KCNJ3: variants seen among roughly 807,000 people sequenced by gnomAD.
KCNJ3 encodes G protein-activated inward rectifier potassium channel 1.
KCNJ3 carries 4 observed loss-of-function variants against 39.2 expected under a neutral mutation model. The ratio of observed to expected loss-of-function variants is 0.10; its 90% CI spans 0.05 to 0.23. The LOEUF is 0.23. Ranked by LOEUF, KCNJ3 falls within the 10% of genes least tolerant of loss-of-function variation. The pLI, the probability that KCNJ3 is intolerant of heterozygous loss-of-function variation, is 1.00. For synonymous variants in KCNJ3, 230 were observed against 237.4 expected (o/e 0.97, Z 0.29); for missense variants, 276 against 634.9 (o/e 0.43, Z 6.08).
At chr2:154,720,610 G>A (rs1046442834) in intron 2 of KCNJ3, among the ~76,000 whole-genome samples, 5 of 151,832 alleles carry the variant, frequency 3.3e-5, no homozygotes, top group South Asian at 2.1e-4. Context: ...ATGTAGTACC[G>A]ACTCTGTGCT....
In KCNJ3 at chr2:154,855,324, C is replaced by G; in HGVS notation, c.*11C>G. On this transcript the variant is annotated 3_prime_UTR_variant, in exon 3 of 3. Coordinates refer to ENST00000295101, the MANE Select transcript of KCNJ3 (RefSeq NM_002239.4). Reference sequence around the variant, plus strand: ...GATCGCTTCACATAACAAAGCACTCCCTTAGGCATTATTTAATGTTTGATT... The same window carrying G: ...GATCGCTTCACATAACAAAGCACTCGCTTAGGCATTATTTAATGTTTGATT... The G allele has an allele frequency of 6.6e-7, 1 of 1,525,152 alleles. No individual in the cohort carries two copies. The highest frequency in any genetic ancestry group is 8.9e-7 in the Non-Finnish European group (1 of 1,123,154). 94.5% of individuals were successfully genotyped at this position (1,525,152 alleles called of 1,614,324 possible). A position where few individuals can be genotyped will look rare whatever the true frequency, so the allele number is the denominator to read the frequency against.
chr2:154,845,236 A>C (rs1687645555), intron 2 of KCNJ3, among the ~76,000 whole-genome samples: 1 of 152,144 alleles, frequency 6.6e-6, no homozygotes, highest in East Asian at 1.9e-4. Context: ...CTGGTGCCTC[A>C]GCCTCCCAAG....
chr2:154,792,434 T>C (rs1686650525), intron 2 of KCNJ3, among the ~76,000 whole-genome samples: 1 of 152,112 alleles, frequency 6.6e-6, no homozygotes, highest in Non-Finnish European at 1.5e-5. Context: ...ACTGTGCTGA[T>C]TCTTCTGCTT....
intron 2 of KCNJ3, among the ~76,000 whole-genome samples, chr2:154,753,479 A>C (rs1490677982): frequency 6.6e-6 from 1 of 152,170 alleles, no homozygotes; most frequent in East Asian, 1.9e-4. Flanking sequence ...TTTAGCACTG[A>C]AGTATAAATA....
At chr2:154,759,420 A>T (rs1685998881) in intron 2 of KCNJ3, among the ~76,000 whole-genome samples, 1 of 151,730 alleles carries the variant, frequency 6.6e-6, no homozygotes, top group Non-Finnish European at 1.5e-5. Context: ...AATTCAACTT[A>T]ATTTCATTGG....
At chr2:154,782,975 G>A (rs1686464610) in intron 2 of KCNJ3, among the ~76,000 whole-genome samples, 3 of 152,054 alleles carry the variant, frequency 2.0e-5, no homozygotes, top group South Asian at 2.1e-4. Flanking sequence ...GCAGGAGTTC[G>A]AGACCAGCCT....
In KCNJ3 at chr2:154,849,318, T is replaced by TTTTTG. The variant is rs564869541; in HGVS notation, c.920-5387_920-5383dup. On this transcript the variant is annotated intron_variant, in intron 2 of 2. Transcript: ENST00000295101. ...AACTGAAAGGGATTTGCTCTTCTGT[T>TTTTTG]TTTTGTTTTGTTTTGTTTTGTTTTG... is the stretch of plus-strand genomic sequence containing the variant. Among the ~76,000 whole-genome samples the TTTTTG allele has an allele frequency of 3.0e-3, 461 of 152,206 alleles. 4 individuals are homozygous for TTTTTG. The highest frequency in any genetic ancestry group is 0.01 in the African/African-American group (432 of 41,490).
At chr2:154,763,219 G>T (rs1277371069) in intron 2 of KCNJ3, among the ~76,000 whole-genome samples, 2 of 152,086 alleles carry the variant, frequency 1.3e-5, no homozygotes, top group East Asian at 3.9e-4. Context: ...AATTAATCTA[G>T]TCTCTTGTCT....
intron 2 of KCNJ3, among the ~76,000 whole-genome samples, chr2:154,790,222 A>T (rs1422677848): frequency 6.6e-6 from 1 of 152,144 alleles, no homozygotes; most frequent in Non-Finnish European, 1.5e-5. Context: ...CTAGAAAGTT[A>T]TCCAAGGAAT....
At chr2:154,818,090 A>G (rs1196918789) in intron 2 of KCNJ3, among the ~76,000 whole-genome samples, 5 of 152,180 alleles carry the variant, frequency 3.3e-5, no homozygotes, top group Non-Finnish European at 7.4e-5. Context: ...TTTTGGTGGA[A>G]GAAAAGTTAG....
chr2:154,788,827 A>G (rs1187873617), intron 2 of KCNJ3, among the ~76,000 whole-genome samples: 1 of 151,984 alleles, frequency 6.6e-6, no homozygotes, highest in African/African-American at 2.4e-5. Flanking sequence ...ATATATTTGA[A>G]AGGATAATTT....
At chr2:154,847,273 C>T (rs973236354) in intron 2 of KCNJ3, among the ~76,000 whole-genome samples, 1 of 152,050 alleles carries the variant, frequency 6.6e-6, no homozygotes, top group Non-Finnish European at 1.5e-5. Context: ...AAAGTTTATA[C>T]TTTACATTTG....
intron 1 of KCNJ3, among the ~76,000 whole-genome samples, chr2:154,707,217 G>C (rs1685028595): frequency 6.6e-6 from 1 of 152,006 alleles, no homozygotes; most frequent in Non-Finnish European, 1.5e-5. Context: ...AGGAAGACCT[G>C]GATAGGATAT....
chr2:154,847,549 T>C (rs1687681623), intron 2 of KCNJ3, among the ~76,000 whole-genome samples: 1 of 151,220 alleles, frequency 6.6e-6, no homozygotes, highest in Non-Finnish European at 1.5e-5. Context: ...AATAGATTTA[T>C]GGAAAAAACT....
intron 2 of KCNJ3, among the ~76,000 whole-genome samples, chr2:154,846,221 A>ATAAAT (rs57500740): frequency 0.31 from 47,135 of 151,756 alleles, 7,488 homozygotes; most frequent in East Asian, 0.4. Context: ...CATATTCCAG[A>ATAAAT]TAAATATAGA....
chr2:154,733,117 C>T (rs1045541102), intron 2 of KCNJ3, among the ~76,000 whole-genome samples: 2 of 152,104 alleles, frequency 1.3e-5, no homozygotes, highest in African/African-American at 4.8e-5. Context: ...ATGGTAAGAA[C>T]CCATATTGGG....
intron 2 of KCNJ3, among the ~76,000 whole-genome samples, chr2:154,766,768 CT>C (rs2105192863): frequency 6.6e-6 from 1 of 152,148 alleles, no homozygotes; most frequent in South Asian, 2.1e-4. Flanking sequence ...ATTGGACAGG[CT>C]GGTCTCGAAC....
intron 2 of KCNJ3, among the ~76,000 whole-genome samples, chr2:154,853,590 T>C (rs963155054): frequency 1.3e-5 from 2 of 152,094 alleles, no homozygotes; most frequent in East Asian, 1.9e-4. Flanking sequence ...TAGCCTTTAA[T>C]AGAAGTCTAT....
intron 2 of KCNJ3, among the ~76,000 whole-genome samples, chr2:154,816,873 T>G (rs928895122): frequency 3.9e-5 from 6 of 152,174 alleles, no homozygotes; most frequent in African/African-American, 1.4e-4. Flanking sequence ...GTGTAGCCCT[T>G]CTATCCTTAT....
Sources: allele counts gnomAD v4.1 joint callset (sites outside exome capture counted in the v4.1 genomes callset), GRCh38; gene constraint gnomAD v4.1.1; transcripts MANE v1.5; gene names NCBI Gene and HGNC (gene_info 2026-07-23, HGNC 2026-07-21).